The following CREB5 variants were observed in gnomAD, a reference collection of about 807,000 sequenced individuals.
CREB5 encodes cAMP responsive element binding protein 5, also known as cyclic AMP-responsive element-binding protein 5.
CREB5 carries 19 observed loss-of-function variants against 57.1 expected under a neutral mutation model. The observed-to-expected ratio is 0.33, with a 90% CI of 0.23 to 0.49. The LOEUF is 0.49. CREB5 is among the 20% of genes least tolerant of loss of function. CREB5 has a pLI of 0.99. For missense variants in CREB5, 579 were observed against 671.6 expected, an observed-to-expected ratio of 0.86 and a Z score of 1.52; for synonymous variants, 238 against 238.3, an observed-to-expected ratio of 1.00 and a Z score of 0.01.
intron 7 of CREB5, among the ~76,000 whole-genome samples, chr7:28,790,130 A>G (rs972886116): frequency 6.6e-6 from 1 of 152,204 alleles, no homozygotes; most frequent in African/African-American, 2.4e-5. Flanking sequence ...AGGGTATAAT[A>G]TTTATTTATT....
At chr7:28,717,086 C>CTTTTTTTTTTTTTTTTTTTTTTTTTTTTT (rs5883165) in intron 5 of CREB5, among the ~76,000 whole-genome samples, 1 of 110,250 alleles carries the variant, frequency 9.1e-6, no homozygotes, top group Non-Finnish European at 1.7e-5. Context: ...GCTTTATATT[C>CTTTTTTTTTTTTTTTTTTTTTTTTTTTTT]TTTTTTTTTT....
chr7:28,410,299 G>C (rs535794867), upstream of CREB5: 13 of 456,606 alleles, frequency 2.8e-5, no homozygotes, highest in South Asian at 1.9e-4. Flanking sequence ...TGCTGGCATC[G>C]TTACCTCTTC....
chr7:28,806,718 C>G (rs1272553498), intron 8 of CREB5, among the ~76,000 whole-genome samples: 1 of 152,144 alleles, frequency 6.6e-6, no homozygotes, highest in Non-Finnish European at 1.5e-5. Context: ...AATCCTGAAC[C>G]TAATTACACC....
chr7:28,683,710 C>T (rs190571747), intron 5 of CREB5, among the ~76,000 whole-genome samples: 16 of 152,288 alleles, frequency 1.1e-4, no homozygotes, highest in African/African-American at 3.9e-4. Context: ...CTGAAGCTAT[C>T]ATCTCCTTTG....
intron 1 of CREB5, among the ~76,000 whole-genome samples, chr7:28,391,021 G>T (rs1409120458): frequency 2.6e-5 from 4 of 152,048 alleles, no homozygotes; most frequent in African/African-American, 9.7e-5. Flanking sequence ...TCAAGTCTTT[G>T]TTGATAATTG....
Position 28,560,891 on chromosome 7 carries a change from T to TGCGCGC in CREB5, c.292-9473_292-9472insCGCGCG, listed in dbSNP as rs1314317818. Among the ~76,000 whole-genome samples, 10 of 19,724 alleles carry TGCGCGC rather than the reference T, an allele frequency of 5.1e-4. 2 individuals carry two copies. The highest frequency in any genetic ancestry group is 8.3e-4 in the Non-Finnish European group (9 of 10,804). The allele number at this position is 19,724 out of a possible 152,430, so 12.9% of individuals were successfully genotyped here. A position where few individuals can be genotyped will look rare whatever the true frequency, so the allele number is the denominator to read the frequency against. ...CTGCGTGCGCGTGCGTGCGTGCGTG[T>TGCGCGC]GTGTGCGTGCGCGCGTGCGTGTGCG... On this transcript the variant is annotated intron_variant, in intron 4 of 10. Transcript: ENST00000357727.
chr7:28,752,386 CA>C (rs1463621520), intron 7 of CREB5, among the ~76,000 whole-genome samples: 1 of 152,164 alleles, frequency 6.6e-6, no homozygotes, highest in Non-Finnish European at 1.5e-5. Flanking sequence ...AGGCTGTTCT[CA>C]AACTCCTGAC....
intron 1 of CREB5, among the ~76,000 whole-genome samples, chr7:28,374,668 C>T (rs998778684): frequency 3.3e-5 from 5 of 152,062 alleles, no homozygotes; most frequent in African/African-American, 1.2e-4. Flanking sequence ...ATAAGGACAG[C>T]GTTTGGTTGC....
chr7:28,351,905 C>T (rs1419345736), intron 1 of CREB5, among the ~76,000 whole-genome samples: 1 of 152,142 alleles, frequency 6.6e-6, no homozygotes, highest in Non-Finnish European at 1.5e-5. Context: ...TGTAAATTAA[C>T]ATCCCCCAAA....
rs1045285866 is a variant in CREB5 at position 28,822,775 on chromosome 7, G to A, written c.*3496G>A. Reference sequence around the variant, plus strand: ...TTCTCAATCCACGAAGCCAGGAGAGGTAGAGTGAAAATCCCAGCCATGGAT... The same window carrying A: ...TTCTCAATCCACGAAGCCAGGAGAGATAGAGTGAAAATCCCAGCCATGGAT... On this transcript the variant is annotated 3_prime_UTR_variant, in exon 11 of 11. Transcript: ENST00000357727. The A allele has an allele frequency of 1.3e-4, 20 of 152,518 alleles. No homozygotes were observed. The highest frequency in any genetic ancestry group is 4.8e-4 in the African/African-American group (20 of 41,448). The allele number at this position is 152,518 out of a possible 1,614,324, so 9.4% of individuals were successfully genotyped here.
At chr7:28,651,030 A>C (rs1409772496) in intron 5 of CREB5, among the ~76,000 whole-genome samples, 2 of 152,186 alleles carry the variant, frequency 1.3e-5, no homozygotes, top group Non-Finnish European at 2.9e-5. Context: ...AGTGGTAGTA[A>C]AAGGGAGAAT....
intron 5 of CREB5, among the ~76,000 whole-genome samples, chr7:28,590,447 A>G (rs1234829951): frequency 6.8e-6 from 1 of 146,086 alleles, no homozygotes; most frequent in Non-Finnish European, 1.5e-5. Flanking sequence ...CAAACACCAC[A>G]TGTTCTCACT....
intron 2 of CREB5, among the ~76,000 whole-genome samples, chr7:28,494,430 C>A (rs1001692463): frequency 1.3e-5 from 2 of 152,038 alleles, no homozygotes; most frequent in Non-Finnish European, 2.9e-5. Flanking sequence ...TTACTTCTTC[C>A]TGTTTTATTC....
At chr7:28,393,751 C>G (rs982117984) in intron 1 of CREB5, among the ~76,000 whole-genome samples, 6 of 152,070 alleles carry the variant, frequency 3.9e-5, no homozygotes, top group African/African-American at 1.4e-4. Context: ...TACAAGATAC[C>G]TGCATTACCT....
chr7:28,560,924 G>GCGCGTGCGTGCA (rs1795183254), intron 4 of CREB5, among the ~76,000 whole-genome samples: 2 of 63,510 alleles, frequency 3.1e-5, no homozygotes, highest in African/African-American at 8.6e-5. Context: ...GCGTGTGTGC[G>GCGCGTGCGTGCA]CGTGCGTGTG....
At chr7:28,629,519 CT>C (rs1223984645) in intron 5 of CREB5, among the ~76,000 whole-genome samples, 1 of 152,172 alleles carries the variant, frequency 6.6e-6, no homozygotes, top group Non-Finnish European at 1.5e-5. Context: ...CAGGGAGTTT[CT>C]TTGCTTTAAA....
intron 5 of CREB5, among the ~76,000 whole-genome samples, chr7:28,701,117 G>T (rs1281593954): frequency 3.9e-5 from 6 of 152,114 alleles, no homozygotes; most frequent in Non-Finnish European, 8.8e-5. Context: ...TTTTGAAAAA[G>T]GTCCATTAGG....
intron 4 of CREB5, among the ~76,000 whole-genome samples, chr7:28,530,179 G>A (rs1437432389): frequency 6.8e-6 from 1 of 146,402 alleles, no homozygotes; most frequent in African/African-American, 2.5e-5. Flanking sequence ...TTTTGTGATT[G>A]CTTTTGAATT....
chr7:28,339,538 A>G (rs1785892617), intron 1 of CREB5, among the ~76,000 whole-genome samples: 1 of 152,138 alleles, frequency 6.6e-6, no homozygotes, highest in South Asian at 2.1e-4. Flanking sequence ...AAGGTGACAT[A>G]AACACCCCTG....
Sources: gnomAD v4.1 joint callset for allele counts (sites outside exome capture counted in the v4.1 genomes callset) on GRCh38, gnomAD v4.1.1 for gene constraint, MANE v1.5 for transcripts, NCBI Gene and HGNC (gene_info 2026-07-23, HGNC 2026-07-21) for gene names.